CCDC138: variants seen among roughly 807,000 people sequenced by gnomAD.
CCDC138 encodes coiled-coil domain containing 138.
In CCDC138, 66 loss-of-function variants were observed where a neutral mutation model predicts 82.3. The observed-to-expected ratio is 0.80, with a 90% CI of 0.66 to 0.98. CCDC138 has a LOEUF of 0.98. Ranked by LOEUF, CCDC138 falls within the 50% of genes least tolerant of loss-of-function variation. The pLI is 0.00. For missense variants in CCDC138, 816 were observed against 758.9 expected, an observed-to-expected ratio of 1.08 and a Z score of -0.88; for synonymous variants, 297 against 265.4, an observed-to-expected ratio of 1.12 and a Z score of -1.16.
chr2:108,812,749 T>C, intron 8 of CCDC138, 41 bp downstream of exon 8: 1 of 1,610,426 alleles, frequency 6.2e-7, no homozygotes, highest in Middle Eastern at 1.7e-4. Context: ...AGTATGTTTT[T>C]AGATGATTAC....
Position 108,794,524 on chromosome 2 carries a change from GTTA to G in CCDC138, c.395-13_395-11del. 1 of 1,586,370 alleles carries G rather than the reference GTTA, an allele frequency of 6.3e-7. No homozygotes were observed. Among genetic ancestry groups the G allele is most frequent in the Non-Finnish European group, 8.6e-7 (1 of 1,164,814 alleles). On this transcript the variant is annotated splice_polypyrimidine_tract_variant and intron_variant, in intron 4 of 14. Transcript: ENST00000295124. ...AGTTAATAAAGTTTATAATGCAAAT[GTTA>G]TTTTCTTTGCAGTTGCCTTGCCAAC...
At chr2:108,800,981 T>G (rs1292910924) in intron 6 of CCDC138, among the ~76,000 whole-genome samples, 5 of 72,304 alleles carry the variant, frequency 6.9e-5, no homozygotes, top group East Asian at 1.2e-3. Context: ...GGCTGCATAG[T>G]ATTCCATGGT....
rs11458525 is a variant in CCDC138 at position 108,795,150 on chromosome 2, ATTTTTT to A, written c.576+446_576+451del. Among the ~76,000 whole-genome samples, 15 of 85,040 alleles carry A rather than the reference ATTTTTT, an allele frequency of 1.8e-4. 1 individual carries two copies. The East Asian group carries it at 4.0e-3, about 23-fold the overall frequency. 55.8% of individuals were successfully genotyped at this position (85,040 alleles called of 152,430 possible). On this transcript the variant is annotated intron_variant, in intron 5 of 14. Transcript: ENST00000295124. ...TTCGGGTTTTTTGTTTCTAAAGTGT[ATTTTTT>A]TTTTTTTTTTTTTTTTGCGATGGAA...
intron 5 of CCDC138, among the ~76,000 whole-genome samples, chr2:108,796,496 A>G (rs1288858087): frequency 6.6e-6 from 1 of 152,220 alleles, no homozygotes; most frequent in African/African-American, 2.4e-5. Flanking sequence ...CCCCGAAAAA[A>G]GAAAACGGCG....
At chr2:108,819,451 T>C (rs1217766340) in intron 10 of CCDC138, among the ~76,000 whole-genome samples, 1 of 152,146 alleles carries the variant, frequency 6.6e-6, no homozygotes, top group African/African-American at 2.4e-5. Context: ...AATGGTAGCA[T>C]AGTTTGGAAG....
In CCDC138 at chr2:108,796,275, C is replaced by T. The variant is rs182358832; in HGVS notation, c.576+1554C>T. ...TTCACTGTGTTAGCCAGGATGGTCTCGATCTCCTGACCTCGTGATCCGCCC... is the reference window on the plus strand; with the variant it reads ...TTCACTGTGTTAGCCAGGATGGTCTTGATCTCCTGACCTCGTGATCCGCCC... On this transcript the variant is annotated intron_variant, in intron 5 of 14. Coordinates refer to ENST00000295124, the MANE Select transcript of CCDC138 (RefSeq NM_144978.3). Among the ~76,000 whole-genome samples the T allele has an allele frequency of 5.4e-4, 81 of 151,368 alleles. 3 individuals are homozygous for T. In the East Asian group the frequency reaches 0.015, roughly 28 times the overall value.
intron 12 of CCDC138, among the ~76,000 whole-genome samples, chr2:108,849,757 G>T (rs1178236369): frequency 6.6e-6 from 1 of 152,226 alleles, no homozygotes; most frequent in African/African-American, 2.4e-5. Flanking sequence ...GCCTCTCCCA[G>T]CCTAGGCACA....
intron 12 of CCDC138, among the ~76,000 whole-genome samples, chr2:108,851,941 G>A (rs574462591): frequency 9.2e-5 from 14 of 152,188 alleles, no homozygotes; most frequent in South Asian, 6.2e-4. Flanking sequence ...GTGCCAAAAC[G>A]ATACAATCTG....
chr2:108,839,194 C>G lies in CCDC138; in HGVS notation c.1216C>G (p.Leu406Val), dbSNP rs1405119455. The G allele has an allele frequency of 1.2e-6, 2 of 1,606,466 alleles. No individual in the cohort carries two copies. Among genetic ancestry groups the G allele is most frequent in the Admixed American group, 1.7e-5 (1 of 59,194 alleles). The change falls in exon 11 of 15, where the codon CTA becomes GTA. Residue 406 changes from leucine (L) to valine (V), a missense_variant. Transcript: ENST00000295124. ...ATCATTTTATCTTTAGCTTTTGCCTCTAATGACAGAGCAGCTACAGTGGAT... is the reference window on the plus strand; with the variant it reads ...ATCATTTTATCTTTAGCTTTTGCCTGTAATGACAGAGCAGCTACAGTGGAT... Reference protein sequence around the residue: ...IQEKCVKLLPLMTEQLQWMPF... With the variant: ...IQEKCVKLLPVMTEQLQWMPF...
intron 7 of CCDC138, among the ~76,000 whole-genome samples, chr2:108,809,281 A>ATCGCTT (rs1683370410): frequency 6.6e-6 from 1 of 152,122 alleles, no homozygotes; most frequent in Non-Finnish European, 1.5e-5. Flanking sequence ...TTCGCACAGG[A>ATCGCTT]TCGCTTTCGC....
intron 10 of CCDC138, among the ~76,000 whole-genome samples, chr2:108,837,483 A>G (rs537921141): frequency 6.6e-6 from 1 of 152,206 alleles, no homozygotes; most frequent in African/African-American, 2.4e-5. Flanking sequence ...TGGTCCCATA[A>G]TATTATAATG....
At chr2:108,810,746 G>A (rs183080744) in intron 7 of CCDC138, among the ~76,000 whole-genome samples, 1 of 152,276 alleles carries the variant, frequency 6.6e-6, no homozygotes, top group African/African-American at 2.4e-5. Flanking sequence ...TTCTTTAAAA[G>A]TTTTAATTCA....
chr2:108,825,062 A>C (rs929744189), intron 10 of CCDC138, among the ~76,000 whole-genome samples: 1 of 152,210 alleles, frequency 6.6e-6, no homozygotes, highest in Non-Finnish European at 1.5e-5. Flanking sequence ...CCTGCCAGAA[A>C]ACAAGTTACA....
chr2:108,803,948 C>T (rs1290634761), intron 6 of CCDC138, among the ~76,000 whole-genome samples: 1 of 152,072 alleles, frequency 6.6e-6, no homozygotes, highest in Non-Finnish European at 1.5e-5. Flanking sequence ...GTGACTATAT[C>T]CTAAGTTATT....
intron 3 of CCDC138, 75 bp from the exon 4 acceptor site, chr2:108,791,600 T>A (rs1679918155): frequency 6.7e-7 from 1 of 1,502,980 alleles, no homozygotes; most frequent in African/African-American, 1.4e-5. Flanking sequence ...CTGTTAATAT[T>A]TGAAAAGCAG....
At chr2:108,859,733 T>A (rs1486027829) in intron 13 of CCDC138, among the ~76,000 whole-genome samples, 4 of 152,184 alleles carry the variant, frequency 2.6e-5, no homozygotes, top group Non-Finnish European at 5.9e-5. Context: ...TCAGATAACA[T>A]GATGCTTCCA....
chr2:108,844,999 G>A (rs1267673829), intron 11 of CCDC138, among the ~76,000 whole-genome samples: 2 of 151,890 alleles, frequency 1.3e-5, no homozygotes, highest in East Asian at 3.9e-4. Flanking sequence ...GCCTGCCTTG[G>A]CTTCCCAAAG....
intron 11 of CCDC138, among the ~76,000 whole-genome samples, chr2:108,846,160 A>G (rs191021274): frequency 6.6e-6 from 1 of 152,164 alleles, no homozygotes; most frequent in South Asian, 2.1e-4. Context: ...ATGGTGGAGC[A>G]ATCAGCAACT....
At chr2:108,831,965 T>C (rs929633127) in intron 10 of CCDC138, among the ~76,000 whole-genome samples, 3 of 152,078 alleles carry the variant, frequency 2.0e-5, no homozygotes, top group Non-Finnish European at 4.4e-5. Flanking sequence ...ACTTCTGACC[T>C]CAGGTGATCC....
Sources: allele counts gnomAD v4.1 joint callset (sites outside exome capture counted in the v4.1 genomes callset), GRCh38; gene constraint gnomAD v4.1.1; transcripts MANE v1.5; gene names NCBI Gene and HGNC (gene_info 2026-07-23, HGNC 2026-07-21).